Variants in SNX30 observed in about 807,000 individuals in gnomAD.
SNX30 encodes the protein sorting nexin-30.
Under a neutral mutation model 46.4 loss-of-function variants are expected in SNX30, and 24 were observed. That is an observed-to-expected ratio of 0.52 (90% CI 0.37 to 0.73). SNX30 has a LOEUF of 0.73. SNX30 is among the 30% of genes least tolerant of loss of function. The pLI is 0.00. For synonymous variants in SNX30, 189 were observed against 211.5 expected (o/e 0.89, Z 0.92); for missense variants, 533 against 555.7 (o/e 0.96, Z 0.41).
At chr9:112,881,970 G>A (rs1841582801), downstream of SNX30, among the ~76,000 whole-genome samples, 1 of 152,202 alleles carries the variant, frequency 6.6e-6, no homozygotes, top group African/African-American at 2.4e-5. Context: ...GAAGGGAGAA[G>A]AGTGGGAGGG....
At chr9:112,818,552 T>A (rs1310979615) in intron 3 of SNX30, among the ~76,000 whole-genome samples, 1 of 152,178 alleles carries the variant, frequency 6.6e-6, no homozygotes, top group African/African-American at 2.4e-5. Flanking sequence ...TTGAGTACTT[T>A]TCTGACTACT....
chr9:112,845,628 C>T (rs1341868129), intron 6 of SNX30, among the ~76,000 whole-genome samples: 1 of 152,122 alleles, frequency 6.6e-6, no homozygotes. Flanking sequence ...TGACTCTCAG[C>T]CTTAGATCTT....
At chr9:112,823,251 T>C (rs2131431979) in intron 3 of SNX30, among the ~76,000 whole-genome samples, 1 of 152,358 alleles carries the variant, frequency 6.6e-6, no homozygotes, top group Admixed American at 6.5e-5. Context: ...CAGCATCTGC[T>C]GGGGGTCTTG....
At position 112,768,606 on chromosome 9, in the gene SNX30, A is replaced by ATTT. The variant is rs10684532; in HGVS notation, c.156+17459_156+17461dup. Among the ~76,000 whole-genome samples, 191 of 118,166 alleles carry ATTT rather than the reference A, an allele frequency of 1.6e-3. 1 individual carries two copies. Among genetic ancestry groups the ATTT allele is most frequent in the South Asian group, 4.7e-3 (18 of 3,868 alleles). The allele number at this position is 118,166 out of a possible 152,430, so 77.5% of individuals were successfully genotyped here. On this transcript the variant is annotated intron_variant, in intron 1 of 8. Transcript: ENST00000374232. The stretch of plus-strand genomic sequence containing the variant: ...CTAATAGGATGGCCCAGGGAGCAGT[A>ATTT]TTTTTTTTTTTTGTAAAGTTTCTCT...
chr9:112,820,011 C>G (rs1840468147), intron 3 of SNX30, among the ~76,000 whole-genome samples: 1 of 152,174 alleles, frequency 6.6e-6, no homozygotes, highest in South Asian at 2.1e-4. Flanking sequence ...GAGCTGCCCT[C>G]CTGGCAGCTG....
chr9:112,809,062 A>AT (rs1840275387), intron 2 of SNX30, among the ~76,000 whole-genome samples: 1 of 150,972 alleles, frequency 6.6e-6, no homozygotes, highest in Non-Finnish European at 1.5e-5. Flanking sequence ...AAATATTAAT[A>AT]ATCTTGCCCA....
chr9:112,803,992 G>A (rs1394221991), intron 1 of SNX30, among the ~76,000 whole-genome samples: 2 of 134,696 alleles, frequency 1.5e-5, no homozygotes, highest in African/African-American at 2.8e-5. Context: ...GCCCTGCTTC[G>A]GCTCGCGCAC....
chr9:112,757,314 A>G (rs1417365404), intron 1 of SNX30, among the ~76,000 whole-genome samples: 1 of 152,216 alleles, frequency 6.6e-6, no homozygotes, highest in Non-Finnish European at 1.5e-5. Flanking sequence ...GTTATGGCAA[A>G]TGACAAGATG....
Position 112,750,917 on chromosome 9 carries a change from G to C in SNX30, c.-85G>C. ...GCCTCGGGTTAAGCGGCGGCCGAGC[G>C]GGGCTCGGCCCGGGGTGCTCGGGGA... On this transcript the variant is annotated 5_prime_UTR_variant, in exon 1 of 9. Coordinates refer to ENST00000374232, the MANE Select transcript of SNX30 (RefSeq NM_001012994.2). 1 of 1,124,856 alleles carries C rather than the reference G, an allele frequency of 8.9e-7. No homozygotes were observed. The highest frequency in any genetic ancestry group is 1.1e-6 in the Non-Finnish European group (1 of 916,124). 69.7% of individuals were successfully genotyped at this position (1,124,856 alleles called of 1,614,324 possible).
chr9:112,825,845 A>G (rs1840572355), intron 3 of SNX30, among the ~76,000 whole-genome samples: 1 of 152,182 alleles, frequency 6.6e-6, no homozygotes, highest in Admixed American at 6.5e-5. Context: ...CCCAGACAGT[A>G]ATAGAGGTGA....
At chr9:112,812,521 T>C (rs917662419) in intron 2 of SNX30, among the ~76,000 whole-genome samples, 6 of 152,216 alleles carry the variant, frequency 3.9e-5, no homozygotes, top group African/African-American at 1.4e-4. Context: ...CCCAAAGTGC[T>C]GGGATTACAG....
intron 1 of SNX30, among the ~76,000 whole-genome samples, chr9:112,799,055 A>C (rs1387868827): frequency 7.8e-5 from 2 of 25,738 alleles, no homozygotes; most frequent in African/African-American, 2.2e-4. Flanking sequence ...GTAGGTTGCA[A>C]AAATTTTCTC....
intron 2 of SNX30, among the ~76,000 whole-genome samples, chr9:112,807,783 A>G (rs187343544): frequency 6.6e-6 from 1 of 152,332 alleles, no homozygotes; most frequent in African/African-American, 2.4e-5. Flanking sequence ...GCGCAACTGC[A>G]ACTCACCAGT....
At chr9:112,877,841 C>T (rs1841534986), downstream of SNX30, 1 of 152,172 alleles carries the variant, frequency 6.6e-6, no homozygotes, top group South Asian at 2.1e-4. Context: ...TTTTAGCCTC[C>T]TGAGTAGCTG....
downstream of SNX30, among the ~76,000 whole-genome samples, chr9:112,883,288 G>A (rs1217025133): frequency 6.6e-6 from 1 of 152,168 alleles, no homozygotes; most frequent in Non-Finnish European, 1.5e-5. Context: ...ATTCAGGAGA[G>A]AATGAAGCAG....
intron 6 of SNX30, among the ~76,000 whole-genome samples, chr9:112,843,035 G>A (rs547950985): frequency 6.6e-6 from 1 of 152,298 alleles, no homozygotes; most frequent in East Asian, 1.9e-4. Flanking sequence ...AATGAAATTA[G>A]GGTAGTGATG....
chr9:112,827,161 G>A (rs956435569), intron 3 of SNX30, among the ~76,000 whole-genome samples: 5 of 152,156 alleles, frequency 3.3e-5, no homozygotes, highest in Non-Finnish European at 7.3e-5. Context: ...AACACTGGAT[G>A]TCCCTGAAGA....
chr9:112,879,326 G>A (rs560730096), downstream of SNX30: 73 of 159,090 alleles, frequency 4.6e-4, no homozygotes, highest in African/African-American at 1.5e-3. Flanking sequence ...GATAATGCAC[G>A]CTTTGAGTTC....
intron 1 of SNX30, among the ~76,000 whole-genome samples, chr9:112,755,090 C>T (rs1350902618): frequency 6.6e-6 from 1 of 152,180 alleles, no homozygotes; most frequent in African/African-American, 2.4e-5. Flanking sequence ...GTTCTAGGAA[C>T]TTGAATAAAT....
Sources: gnomAD v4.1 joint callset for allele counts (sites outside exome capture counted in the v4.1 genomes callset) on GRCh38, gnomAD v4.1.1 for gene constraint, MANE v1.5 for transcripts, NCBI Gene and HGNC (gene_info 2026-07-23, HGNC 2026-07-21) for gene names.